WDR25: variants seen among roughly 807,000 people sequenced by gnomAD.
The protein encoded by WDR25 is WD repeat domain 25.
A neutral mutation model predicts 47.7 loss-of-function variants in WDR25; 35 were observed. That is an observed-to-expected ratio of 0.73 (90% CI 0.56 to 0.97). WDR25 has a LOEUF of 0.97. WDR25 is among the 50% of genes least tolerant of loss of function. The pLI is 0.00. For synonymous variants in WDR25, 248 were observed against 278.9 expected (o/e 0.89, Z 1.10); for missense variants, 634 against 704.7 (o/e 0.90, Z 1.14).
In WDR25 at chr14:100,529,810, C is replaced by T. The variant is rs1302971910; in HGVS notation, c.1414-10C>T. 4 of 1,610,154 alleles carry T rather than the reference C, an allele frequency of 2.5e-6. No homozygotes were observed. Among genetic ancestry groups the T allele is most frequent in the Admixed American group, 1.7e-5 (1 of 59,920 alleles). On this transcript the variant is annotated splice_polypyrimidine_tract_variant and intron_variant, in intron 6 of 6. Transcript: ENST00000402312. This position sits in a 1 kb window ranked among gnomAD's most constrained non-coding sequence, Gnocchi z 5.1. Reference sequence around the variant, plus strand: ...TGCGGCTTGCTCACCCACTGTGTCCCTCTCTGCAGGTGGAGGGCTACTCAG... The same window carrying T: ...TGCGGCTTGCTCACCCACTGTGTCCTTCTCTGCAGGTGGAGGGCTACTCAG...
intron 2 of WDR25, among the ~76,000 whole-genome samples, chr14:100,421,168 T>C (rs532783455): frequency 2.2e-4 from 33 of 152,332 alleles, no homozygotes; most frequent in African/African-American, 7.7e-4. Context: ...GCATCAGGAC[T>C]AGGAAAGAGC....
rs1436652303 is a variant in WDR25, at chr14:100,523,114, C to G, written c.1102-2756C>G. On this transcript the variant is annotated intron_variant, in intron 4 of 6. Transcript: ENST00000402312. The surrounding 1 kb of genome is among the most constrained non-coding windows in gnomAD (Gnocchi z 4.7). ...GGATGTTGCTGGGAGCCGGAGGACC[C>G]TGGATTGCTACTTTTAAAGTAGTCG... 6.6e-6 allele frequency among the ~76,000 whole-genome samples: 1 copy of G among 152,254 alleles called. No homozygotes were observed. The highest frequency in any genetic ancestry group is 1.5e-5 in the Non-Finnish European group (1 of 68,044).
In WDR25 at chr14:100,378,047, C is replaced by T. The variant is rs568092395; in HGVS notation, c.-16+1552C>T. On this transcript the variant is annotated intron_variant, in intron 1 of 6. Transcript: ENST00000402312. ...TCTGCTGTCCTAGGAGTGCCTAGCACCCTTCTTTTTCTCTGGATTGTGCTT... is the reference window on the plus strand; with the variant it reads ...TCTGCTGTCCTAGGAGTGCCTAGCATCCTTCTTTTTCTCTGGATTGTGCTT... Among the ~76,000 whole-genome samples, 4 of 152,280 alleles carry T rather than the reference C, an allele frequency of 2.6e-5. No individual in the cohort carries two copies. The South Asian group carries it at 6.2e-4, about 24-fold the overall frequency.
At chr14:100,398,098 A>G (rs933062655) in intron 2 of WDR25, among the ~76,000 whole-genome samples, 5 of 152,158 alleles carry the variant, frequency 3.3e-5, no homozygotes, top group African/African-American at 1.2e-4. Context: ...TTGGCCTCCC[A>G]AAGTGCTGGG....
intron 2 of WDR25, among the ~76,000 whole-genome samples, chr14:100,459,699 G>A (rs936672299): frequency 2.3e-4 from 35 of 151,718 alleles, no homozygotes; most frequent in Admixed American, 2.2e-3. Context: ...AAGTCAAGGA[G>A]AGAGGTCTGG....
intron 2 of WDR25, among the ~76,000 whole-genome samples, chr14:100,441,780 C>T (rs970693796): frequency 2.0e-5 from 3 of 152,194 alleles, no homozygotes; most frequent in African/African-American, 7.2e-5. Flanking sequence ...TGGTGCTTGG[C>T]ATACAGAGCC....
At chr14:100,481,232 C>G (rs1187719130) in intron 3 of WDR25, 5 of 551,770 alleles carry the variant, frequency 9.1e-6, no homozygotes, top group Non-Finnish European at 1.4e-5. Context: ...TGAGGAGAGT[C>G]CAGCCTCTGA....
At chr14:100,427,228 A>C (rs981259528) in intron 2 of WDR25, among the ~76,000 whole-genome samples, 3 of 151,734 alleles carry the variant, frequency 2.0e-5, no homozygotes, top group Non-Finnish European at 4.4e-5. Context: ...CTTCAGCTTC[A>C]TCCTTCCTGA....
At chr14:100,390,391 C>CTGTGTGTG (rs55802109) in intron 2 of WDR25, among the ~76,000 whole-genome samples, 10,500 of 146,590 alleles carry the variant, frequency 0.072, 420 homozygotes, top group East Asian at 0.18. Flanking sequence ...TGACCAAAAG[C>CTGTGTGTG]TGTGTGTGTG....
In WDR25 at chr14:100,529,866, T is replaced by G; in HGVS notation, c.1460T>G (p.Leu487Trp). Residue 487 changes from leucine (L) to tryptophan (W), a missense_variant, in exon 7 of 7, where the codon TTG (leucine) becomes TGG (tryptophan). Transcript: ENST00000402312. The surrounding 1 kb of genome is among the most constrained non-coding windows in gnomAD (Gnocchi z 5.1). Reference sequence around the variant, plus strand: ...TGCGAGTGCTCCCCAGGCGGTGACTTGCTGGTGACGGGCAGCGCCGATGGC... The same window carrying G: ...TGCGAGTGCTCCCCAGGCGGTGACTGGCTGGTGACGGGCAGCGCCGATGGC... ...VGCECSPGGDLLVTGSADGRV... is the reference protein window; with the variant it reads ...VGCECSPGGDWLVTGSADGRV... 6.2e-7 allele frequency: 1 copy of G among 1,613,244 alleles called. No homozygotes were observed. The highest frequency in any genetic ancestry group is 8.5e-7 in the Non-Finnish European group (1 of 1,180,014).
At chr14:100,445,817 C>A (rs1898813793) in intron 2 of WDR25, among the ~76,000 whole-genome samples, 1 of 152,176 alleles carries the variant, frequency 6.6e-6, no homozygotes, top group African/African-American at 2.4e-5. Context: ...TTTGTTCTAC[C>A]CTGACTCAGG....
At chr14:100,445,644 G>A (rs978953554) in intron 2 of WDR25, among the ~76,000 whole-genome samples, 1 of 152,148 alleles carries the variant, frequency 6.6e-6, no homozygotes, top group Non-Finnish European at 1.5e-5. Flanking sequence ...GGACAGGATG[G>A]CTTCTAGGCT....
intron 2 of WDR25, among the ~76,000 whole-genome samples, chr14:100,446,796 C>T (rs980329928): frequency 1.3e-5 from 2 of 152,126 alleles, no homozygotes; most frequent in African/African-American, 4.8e-5. Flanking sequence ...GCTGGTCACT[C>T]CTGGCTCTGT....
intron 3 of WDR25, among the ~76,000 whole-genome samples, chr14:100,474,266 C>T (rs1375927838): frequency 2.6e-5 from 4 of 152,254 alleles, no homozygotes; most frequent in Non-Finnish European, 5.9e-5. Context: ...AGAAGCTGAC[C>T]CTAGTTACGG....
At chr14:100,447,959 C>T (rs143633512) in intron 2 of WDR25, among the ~76,000 whole-genome samples, 2,313 of 152,074 alleles carry the variant, frequency 0.015, 62 homozygotes, top group African/African-American at 0.053. Flanking sequence ...TTTGGGAGGC[C>T]GAGGTGGGTG....
rs777753335 is a variant in WDR25, at chr14:100,431,549, C to CT, written c.823-36457dup. Among the ~76,000 whole-genome samples the CT allele has an allele frequency of 4.0e-3, 560 of 139,296 alleles. 1 individual carries two copies. The highest frequency in any genetic ancestry group is 7.5e-3 in the Middle Eastern group (2 of 266). 91.4% of individuals were successfully genotyped at this position (139,296 alleles called of 152,430 possible). ...ATGCATGCATTTCTGTTGGTAATTT[C>CT]TTTTTTTTTTTTTTTGAGACAGAGT... On this transcript the variant is annotated intron_variant, in intron 2 of 6. Transcript: ENST00000402312.
intron 2 of WDR25, among the ~76,000 whole-genome samples, chr14:100,409,065 A>G (rs977330138): frequency 3.3e-5 from 5 of 152,174 alleles, no homozygotes; most frequent in African/African-American, 1.2e-4. Flanking sequence ...AGGGCTTCAT[A>G]GAAATTTCTA....
chr14:100,422,788 A>G (rs1898064462), intron 2 of WDR25, among the ~76,000 whole-genome samples: 1 of 152,004 alleles, frequency 6.6e-6, no homozygotes, highest in Non-Finnish European at 1.5e-5. Flanking sequence ...TTATTGTTTT[A>G]ATTTGCCTGC....
intron 2 of WDR25, among the ~76,000 whole-genome samples, chr14:100,394,670 A>G (rs1897218151): frequency 6.6e-6 from 1 of 152,346 alleles, no homozygotes; most frequent in East Asian, 1.9e-4. Flanking sequence ...TGCTGGGAAC[A>G]GGAATATATG....
Sources: gnomAD v4.1 joint callset for allele counts (sites outside exome capture counted in the v4.1 genomes callset) on GRCh38, gnomAD v4.1.1 for gene constraint, Gnocchi (gnomAD v3.1) non-coding constraint, MANE v1.5 for transcripts, NCBI Gene and HGNC (gene_info 2026-07-23, HGNC 2026-07-21) for gene names.